The following NLGN1 variants were observed in gnomAD, a reference collection of about 807,000 sequenced individuals.
The protein encoded by NLGN1 is neuroligin-1.
NLGN1 carries 12 observed loss-of-function variants against 65.5 expected under a neutral mutation model. The observed-to-expected ratio is 0.18, with a 90% CI of 0.12 to 0.30. The LOEUF is 0.30. Ranked by LOEUF, NLGN1 falls within the 10% of genes least tolerant of loss-of-function variation. NLGN1 has a pLI of 1.00. For synonymous variants in NLGN1, 350 were observed against 359.5 expected, an observed-to-expected ratio of 0.97 and a Z score of 0.30; for missense variants, 750 against 1,007.1, an observed-to-expected ratio of 0.74 and a Z score of 3.46.
intron 4 of NLGN1, among the ~76,000 whole-genome samples, chr3:173,849,926 T>C (rs543945390): frequency 1.3e-5 from 2 of 152,168 alleles, no homozygotes; most frequent in African/African-American, 4.8e-5. Flanking sequence ...TACAGTAATA[T>C]ACTATAATAA....
At chr3:173,491,753 C>T (rs939644894) in intron 2 of NLGN1, among the ~76,000 whole-genome samples, 2 of 151,634 alleles carry the variant, frequency 1.3e-5, no homozygotes, top group Non-Finnish European at 2.9e-5. Flanking sequence ...TCTTATTTTC[C>T]TTGATACGTC....
intron 4 of NLGN1, among the ~76,000 whole-genome samples, chr3:174,218,498 G>T (rs926148835): frequency 6.6e-6 from 1 of 151,676 alleles, no homozygotes; most frequent in African/African-American, 2.4e-5. Context: ...AGCACAAACC[G>T]ATAGTTGCTT....
At chr3:173,818,705 C>T (rs1455645566) in intron 4 of NLGN1, among the ~76,000 whole-genome samples, 3 of 152,012 alleles carry the variant, frequency 2.0e-5, no homozygotes, top group South Asian at 2.1e-4. Context: ...GAAAATAAAA[C>T]GTTCTCTTCT....
intron 4 of NLGN1, among the ~76,000 whole-genome samples, chr3:174,242,845 C>CCCAGTGCCAAAAATGTTGGCGA (rs539832454): frequency 6.6e-6 from 1 of 151,858 alleles, no homozygotes; most frequent in Non-Finnish European, 1.5e-5. Flanking sequence ...AAAACTGGTC[C>CCCAGTGCCAAAAATGTTGGCGA]CCAGTGCCAA....
intron 3 of NLGN1, among the ~76,000 whole-genome samples, chr3:173,729,911 T>A (rs996050201): frequency 6.6e-6 from 1 of 152,002 alleles, no homozygotes; most frequent in African/African-American, 2.4e-5. Flanking sequence ...TGCATATCTA[T>A]TTGTTTCAGA....
chr3:173,788,768 C>G (rs1711886077), intron 3 of NLGN1, among the ~76,000 whole-genome samples: 1 of 139,094 alleles, frequency 7.2e-6, no homozygotes, highest in South Asian at 2.3e-4. Flanking sequence ...CTGTAGTGTG[C>G]CATGATCACA....
At chr3:173,915,304 G>A (rs1415621415) in intron 4 of NLGN1, among the ~76,000 whole-genome samples, 1 of 152,204 alleles carries the variant, frequency 6.6e-6, no homozygotes, top group Non-Finnish European at 1.5e-5. Flanking sequence ...CATCTCATGA[G>A]TAACCAGCCC....
At chr3:173,692,791 C>G (rs965713761) in intron 3 of NLGN1, among the ~76,000 whole-genome samples, 9 of 152,076 alleles carry the variant, frequency 5.9e-5, no homozygotes, top group African/African-American at 2.2e-4. Flanking sequence ...TGCATTACCT[C>G]TAATCCTCAG....
chr3:174,134,139 C>T (rs1055680729), intron 4 of NLGN1, among the ~76,000 whole-genome samples: 2 of 151,874 alleles, frequency 1.3e-5, no homozygotes, highest in East Asian at 1.9e-4. Context: ...GAAACAGTTG[C>T]GATTAAAGGA....
At chr3:174,044,423 A>G (rs533650163) in intron 4 of NLGN1, among the ~76,000 whole-genome samples, 2 of 151,790 alleles carry the variant, frequency 1.3e-5, no homozygotes, top group African/African-American at 4.8e-5. Context: ...ATGCTTTACC[A>G]GTTAGAAATT....
chr3:174,136,809 A>G (rs187597247), intron 4 of NLGN1, among the ~76,000 whole-genome samples: 1 of 152,254 alleles, frequency 6.6e-6, no homozygotes, highest in Admixed American at 6.5e-5. Context: ...TTTTTATCTT[A>G]CAGAATATTT....
intron 2 of NLGN1, among the ~76,000 whole-genome samples, chr3:173,456,584 C>A (rs958227541): frequency 6.6e-6 from 1 of 152,090 alleles, no homozygotes. Flanking sequence ...TGTCAAAGAC[C>A]AATTAGCACA....
intron 3 of NLGN1, among the ~76,000 whole-genome samples, chr3:173,643,174 A>C (rs1757680686): frequency 1.3e-5 from 2 of 152,230 alleles, no homozygotes; most frequent in Admixed American, 1.3e-4. Flanking sequence ...TTGGCGACCT[A>C]TCTGTGGCAC....
intron 4 of NLGN1, among the ~76,000 whole-genome samples, chr3:173,884,042 T>G (rs1448158658): frequency 6.6e-6 from 1 of 151,954 alleles, no homozygotes; most frequent in East Asian, 1.9e-4. Context: ...AACTAAAGAT[T>G]TCTTACTGAC....
intron 3 of NLGN1, among the ~76,000 whole-genome samples, chr3:173,668,304 A>G (rs546311720): frequency 2.6e-5 from 4 of 152,312 alleles, no homozygotes; most frequent in Non-Finnish European, 5.9e-5. Context: ...AGAAGAAAAT[A>G]TTGCCAGCAG....
At chr3:174,180,310 C>G (rs1730155091) in intron 4 of NLGN1, among the ~76,000 whole-genome samples, 1 of 152,150 alleles carries the variant, frequency 6.6e-6, no homozygotes. Context: ...CACTTTCTGT[C>G]TCTTTCCTGT....
At chr3:174,041,475 A>G (rs1732298681) in intron 4 of NLGN1, among the ~76,000 whole-genome samples, 1 of 152,146 alleles carries the variant, frequency 6.6e-6, no homozygotes, top group Non-Finnish European at 1.5e-5. Flanking sequence ...GTGAATACAT[A>G]TTTTTAAATT....
intron 4 of NLGN1, among the ~76,000 whole-genome samples, chr3:173,899,948 G>A (rs1737026629): frequency 6.6e-6 from 1 of 152,050 alleles, no homozygotes; most frequent in South Asian, 2.1e-4. Context: ...AGAAATAAAT[G>A]ATGCATATGC....
chr3:173,775,190 G>A (rs1272050210), intron 3 of NLGN1, among the ~76,000 whole-genome samples: 3 of 152,024 alleles, frequency 2.0e-5, no homozygotes, highest in South Asian at 2.1e-4. Context: ...TGCACTAAAT[G>A]TCTAATAATT....
Sources: allele counts gnomAD v4.1 joint callset (sites outside exome capture counted in the v4.1 genomes callset), GRCh38; gene constraint gnomAD v4.1.1; transcripts MANE v1.5; gene names NCBI Gene and HGNC (gene_info 2026-07-23, HGNC 2026-07-21).